The following CLCA1 variants were observed in gnomAD, a reference collection of about 807,000 sequenced individuals.
CLCA1 encodes chloride channel accessory 1.
In CLCA1, 59 loss-of-function variants were observed where a neutral mutation model predicts 85.6. That is an observed-to-expected ratio of 0.69 (90% CI 0.56 to 0.86). The LOEUF is 0.86. Among genes scored for constraint, CLCA1 ranks in the 40% least tolerant of loss-of-function variants. CLCA1 has a pLI of 0.00. For synonymous variants in CLCA1, 396 were observed against 398.3 expected (o/e 0.99, Z 0.07); for missense variants, 1,022 against 1,101.4 (o/e 0.93, Z 1.02).
intron 1 of CLCA1, among the ~76,000 whole-genome samples, chr1:86,472,821 T>G (rs1647541447): frequency 1.3e-5 from 2 of 152,202 alleles, no homozygotes; most frequent in Non-Finnish European, 2.9e-5. Context: ...ACATTTAGTA[T>G]TACATTTAAT....
intron 1 of CLCA1, among the ~76,000 whole-genome samples, chr1:86,471,206 G>A (rs1647490258): frequency 6.6e-6 from 1 of 152,134 alleles, no homozygotes; most frequent in Non-Finnish European, 1.5e-5. Context: ...CAGCACCCCA[G>A]GCACTGTGCC....
chr1:86,486,506 T>C lies in CLCA1; in HGVS notation c.955-20T>C. ...TTTCCATCTAAACGTAACCTGTTTT[T>C]CTTTTGCTTCTCCATTTAGACTGGT... On this transcript the variant is annotated intron_variant, in intron 6 of 13. Coordinates refer to ENST00000394711, the MANE Select transcript of CLCA1 (RefSeq NM_001285.4). 6.2e-7 allele frequency: 1 copy of C among 1,610,964 alleles called. No homozygotes were observed. The highest frequency in any genetic ancestry group is 8.5e-7 in the Non-Finnish European group (1 of 1,177,450).
intron 7 of CLCA1, among the ~76,000 whole-genome samples, chr1:86,488,759 C>A (rs1039461721): frequency 1.3e-5 from 2 of 152,174 alleles, no homozygotes; most frequent in Non-Finnish European, 2.9e-5. Flanking sequence ...AGTTGCCCTG[C>A]ATCCCACACC....
rs375828178 is a variant in CLCA1, at chr1:86,468,986, G to A, written c.15G>A (p.Lys5=). 5 of 1,607,330 alleles carry A rather than the reference G, an allele frequency of 3.1e-6. No homozygotes were observed. The East Asian group carries it at 8.9e-5, about 29-fold the overall frequency. MGPF[K]SSVFILILHL... ...GATGTACAGCAATGGGGCCATTTAA[G>A]AGTTCTGTGTTCATCTTGATTCTTC... The change falls in exon 1 of 14, where the codon AAG becomes AAA. Residue 5 remains lysine, a synonymous_variant. Coordinates refer to ENST00000394711, the MANE Select transcript of CLCA1 (RefSeq NM_001285.4).
At chr1:86,493,131 T>C (rs1416771154) in intron 9 of CLCA1, among the ~76,000 whole-genome samples, 1 of 147,336 alleles carries the variant, frequency 6.8e-6, no homozygotes, top group Non-Finnish European at 1.5e-5. Flanking sequence ...AGTACGATAA[T>C]AAAGTCAAAG....
Position 86,482,191 on chromosome 1 carries a change from T to G in CLCA1, c.558-14T>G. ...ACGACATCACCTAAACATCTAACCT[T>G]CCTATATTTTCAGATGTTCAGCAGG... On this transcript the variant is annotated splice_polypyrimidine_tract_variant and intron_variant, in intron 4 of 13. Transcript: ENST00000394711. 6.2e-7 allele frequency: 1 copy of G among 1,606,978 alleles called. No homozygotes were observed. Among genetic ancestry groups the G allele is most frequent in the Non-Finnish European group, 8.5e-7 (1 of 1,174,132 alleles).
At chr1:86,485,633 T>C (rs1647943829) in intron 6 of CLCA1, 72 bp downstream of exon 6, 1 of 1,361,140 alleles carries the variant, frequency 7.3e-7, no homozygotes, top group African/African-American at 1.4e-5. Context: ...GACTCGGAAC[T>C]AGTTGCGAAT....
chr1:86,471,139 G>A (rs567422897), intron 1 of CLCA1, among the ~76,000 whole-genome samples: 11 of 151,856 alleles, frequency 7.2e-5, no homozygotes, highest in East Asian at 3.9e-4. Context: ...AGACATACAC[G>A]CACACACGCA....
At chr1:86,485,666 TA>T in intron 6 of CLCA1, 105 bp downstream of exon 6, 7 of 928,554 alleles carry the variant, frequency 7.5e-6, no homozygotes, top group Admixed American at 2.1e-5. Context: ...AGGGCCAGAA[TA>T]GTTATAACTG....
chr1:86,482,360 T>A lies in CLCA1; in HGVS notation c.713T>A (p.Met238Lys). 2.5e-6 allele frequency: 4 copies of A among 1,614,066 alleles called. No homozygotes were observed. The highest frequency in any genetic ancestry group is 3.4e-6 in the Non-Finnish European group (4 of 1,179,952). ...CGCCAGACGGAGAAGGCTTCTATAA[T>A]GTTTGCACAACATGTTGATTCTGTA... ...QSRQTEKASI[M>K]FAQHVDSIVE... The change falls in exon 5 of 14, where the codon ATG becomes AAG. Residue 238 changes from methionine to lysine, a missense_variant. Transcript: ENST00000394711.
intron 12 of CLCA1, among the ~76,000 whole-genome samples, chr1:86,496,204 A>G (rs1411414137): frequency 2.6e-5 from 4 of 152,262 alleles, no homozygotes; most frequent in Non-Finnish European, 1.5e-5. Context: ...CATTATTTTA[A>G]AAACACTTCT....
At chr1:86,496,530 G>A (rs182457472) in intron 12 of CLCA1, among the ~76,000 whole-genome samples, 7 of 152,274 alleles carry the variant, frequency 4.6e-5, no homozygotes, top group Non-Finnish European at 8.8e-5. Flanking sequence ...GTCCCAATGG[G>A]TTCCAGGACT....
chr1:86,498,210 A>AAGGAAGGAAG (rs1553188785), intron 12 of CLCA1, among the ~76,000 whole-genome samples: 1 of 117,678 alleles, frequency 8.5e-6, no homozygotes, highest in African/African-American at 3.2e-5. Context: ...AAGGAAGGAA[A>AAGGAAGGAAG]AAACAGATGT....
intron 3 of CLCA1, 38 bp downstream of exon 3, chr1:86,473,914 C>G (rs1647569770): frequency 6.7e-7 from 1 of 1,483,208 alleles, no homozygotes; most frequent in Non-Finnish European, 9.2e-7. Flanking sequence ...TACAATTTAA[C>G]TATTTTATGT....
chr1:86,476,683 T>A (rs1030533848), intron 4 of CLCA1, 130 bp downstream of exon 4: 11 of 504,456 alleles, frequency 2.2e-5, no homozygotes, highest in Admixed American at 3.6e-5. Context: ...GTGCCTTCTT[T>A]TTCAGATTTC....
chr1:86,476,782 C>CTT (rs34132913), intron 4 of CLCA1, among the ~76,000 whole-genome samples: 2,364 of 151,102 alleles, frequency 0.016, 77 homozygotes, highest in African/African-American at 0.055. Context: ...CTCCTTTTTT[C>CTT]TTTTTTTTTA....
chr1:86,484,063 C>G (rs181347877), intron 5 of CLCA1, among the ~76,000 whole-genome samples: 1 of 152,268 alleles, frequency 6.6e-6, no homozygotes. Context: ...ATCACAAGAA[C>G]AGCATGGAGG....
At position 86,495,429 on chromosome 1, in the gene CLCA1, T is replaced by C. The variant is rs5744407; in HGVS notation, c.1943-76T>C. 1,249 of 1,207,058 alleles carry C rather than the reference T, an allele frequency of 1.0e-3. 9 individuals are homozygous for C. The African/African-American group carries it at 0.017, about 16-fold the overall frequency. 74.8% of individuals were successfully genotyped at this position (1,207,058 alleles called of 1,614,324 possible). On this transcript the variant is annotated intron_variant, in intron 11 of 13. Coordinates refer to ENST00000394711, the MANE Select transcript of CLCA1 (RefSeq NM_001285.4). ...AATTTCTTGTTGCTTTGAAAATTCA[T>C]AGCCTACATATGAGTTGGAAATATA...
In CLCA1 at chr1:86,493,463, A is replaced by C. The variant is rs766605693; in HGVS notation, c.1544A>C (p.Asp515Ala). The change falls in exon 10 of 14, where the codon GAC (aspartate) becomes GCC (alanine). Residue 515 changes from aspartate (D) to alanine (A), a missense_variant. Transcript: ENST00000394711. ...TVIVDSTVGK[D>A]TLFLITWTMQ... Reference sequence around the variant, plus strand: ...ATCGTGGACAGCACCGTGGGAAAGGACACTTTGTTTCTTATCACCTGGACA... The same window carrying C: ...ATCGTGGACAGCACCGTGGGAAAGGCCACTTTGTTTCTTATCACCTGGACA... 2.0e-5 allele frequency: 32 copies of C among 1,613,930 alleles called. No homozygotes were observed. In the East Asian group the frequency reaches 6.7e-4, roughly 34 times the overall value.
Sources: gnomAD v4.1 joint callset for allele counts (sites outside exome capture counted in the v4.1 genomes callset) on GRCh38, gnomAD v4.1.1 for gene constraint, MANE v1.5 for transcripts, NCBI Gene and HGNC (gene_info 2026-07-23, HGNC 2026-07-21) for gene names.